Variants in PPM1L observed in about 807,000 individuals in gnomAD.
PPM1L encodes the protein protein phosphatase 1L.
Under a neutral mutation model 31.4 loss-of-function variants are expected in PPM1L, and 13 were observed. That is an observed-to-expected ratio of 0.41 (90% CI 0.27 to 0.66). The LOEUF is 0.66. Among genes scored for constraint, PPM1L ranks in the 30% least tolerant of loss-of-function variants. The pLI is 0.29. For missense variants in PPM1L, 326 were observed against 453.7 expected (o/e 0.72, Z 2.56); for synonymous variants, 184 against 175.4 (o/e 1.05, Z -0.39).
chr3:160,986,579 A>G (rs1215906971), intron 2 of PPM1L, among the ~76,000 whole-genome samples: 2 of 152,236 alleles, frequency 1.3e-5, no homozygotes, highest in Admixed American at 6.5e-5. Flanking sequence ...GATATATGCT[A>G]TAGTCTGACA....
At chr3:160,900,914 CT>C (rs1713517410) in intron 1 of PPM1L, among the ~76,000 whole-genome samples, 1 of 152,176 alleles carries the variant, frequency 6.6e-6, no homozygotes, top group Non-Finnish European at 1.5e-5. Context: ...CCTCACCTTT[CT>C]TAAGCTCTCA....
intron 1 of PPM1L, among the ~76,000 whole-genome samples, chr3:160,763,545 C>T (rs1715024284): frequency 6.6e-6 from 1 of 152,168 alleles, no homozygotes; most frequent in Non-Finnish European, 1.5e-5. Flanking sequence ...CCCTGTTGAG[C>T]CATGGCCTGG....
intron 1 of PPM1L, among the ~76,000 whole-genome samples, chr3:160,829,443 T>C (rs1406867386): frequency 6.6e-6 from 1 of 152,100 alleles, no homozygotes; most frequent in Non-Finnish European, 1.5e-5. Flanking sequence ...ACACTCCCTC[T>C]TTTCACACTC....
chr3:160,911,235 T>C (rs756189884), intron 1 of PPM1L, among the ~76,000 whole-genome samples: 47 of 152,258 alleles, frequency 3.1e-4, no homozygotes, highest in Non-Finnish European at 5.9e-4. Context: ...AAGGTGAATG[T>C]TCTTACATGT....
At chr3:160,801,657 C>T (rs555195797) in intron 1 of PPM1L, among the ~76,000 whole-genome samples, 1 of 152,174 alleles carries the variant, frequency 6.6e-6, no homozygotes, top group African/African-American at 2.4e-5. Context: ...CTTGCACTCT[C>T]TTGATTTTAC....
At position 161,069,684 on chromosome 3, in the gene PPM1L, G is replaced by C. The variant is rs1719850711; in HGVS notation, c.*527G>C. The C allele has an allele frequency of 6.5e-6, 1 of 154,454 alleles. No homozygotes were observed. 9.6% of individuals were successfully genotyped at this position (154,454 alleles called of 1,614,324 possible). A position where few individuals can be genotyped will look rare whatever the true frequency, so the allele number is the denominator to read the frequency against. ...CTGAGCCCATGTTTTCTGCTCAGTAGCAGCTTGGAAGCAGATTTGGAATGG... is the reference window on the plus strand; with the variant it reads ...CTGAGCCCATGTTTTCTGCTCAGTACCAGCTTGGAAGCAGATTTGGAATGG... On this transcript the variant is annotated 3_prime_UTR_variant, in exon 4 of 4. Transcript: ENST00000498165.
rs1446145265 is a variant in PPM1L at position 161,028,922 on chromosome 3, C to T, written c.575-36481C>T. 2.0e-5 allele frequency among the ~76,000 whole-genome samples: 3 copies of T among 152,132 alleles called. No individual in the cohort carries two copies. In the East Asian group the frequency reaches 5.8e-4, roughly 29 times the overall value. On this transcript the variant is annotated intron_variant, in intron 2 of 3. Coordinates refer to ENST00000498165, the MANE Select transcript of PPM1L (RefSeq NM_139245.4). ...TGATGAACTGTGGTCAGTATGGATT[C>T]AGGGAGGTCATCCGTACTAATAAAA...
chr3:160,923,254 G>T (rs1004084367), intron 1 of PPM1L, among the ~76,000 whole-genome samples: 1 of 152,160 alleles, frequency 6.6e-6, no homozygotes, highest in Non-Finnish European at 1.5e-5. Flanking sequence ...GAGACTTTGG[G>T]CAGCTCCTGT....
chr3:160,965,496 T>C (rs1716113186), intron 2 of PPM1L, among the ~76,000 whole-genome samples: 1 of 152,116 alleles, frequency 6.6e-6, no homozygotes, highest in Admixed American at 6.6e-5. Context: ...AAATAGACTT[T>C]GTGTTAGATG....
intron 2 of PPM1L, among the ~76,000 whole-genome samples, chr3:161,008,066 G>A (rs1717771883): frequency 1.3e-5 from 2 of 152,270 alleles, no homozygotes; most frequent in South Asian, 4.1e-4. Context: ...ATAGAAAGTA[G>A]AATTACTCTT....
chr3:160,791,329 C>G (rs1365133739), intron 1 of PPM1L, among the ~76,000 whole-genome samples: 1 of 152,088 alleles, frequency 6.6e-6, no homozygotes, highest in African/African-American at 2.4e-5. Context: ...CTCTGTTTCT[C>G]ATCTGAAAAT....
intron 2 of PPM1L, among the ~76,000 whole-genome samples, chr3:160,993,689 C>T (rs965650054): frequency 1.1e-4 from 16 of 152,012 alleles, no homozygotes; most frequent in Admixed American, 3.9e-4. Context: ...CCTGACATGC[C>T]GCTAGACATG....
chr3:160,830,619 A>G (rs1376268432), intron 1 of PPM1L, among the ~76,000 whole-genome samples: 1 of 152,130 alleles, frequency 6.6e-6, no homozygotes, highest in Non-Finnish European at 1.5e-5. Flanking sequence ...ATTTTTTGGC[A>G]AATTTTATGG....
intron 1 of PPM1L, among the ~76,000 whole-genome samples, chr3:160,797,920 C>A (rs1015496879): frequency 8.5e-5 from 13 of 152,306 alleles, no homozygotes; most frequent in African/African-American, 2.4e-4. Flanking sequence ...TGGCTCACGC[C>A]TGTAATCCCA....
chr3:160,759,779 C>A (rs1311262487), intron 1 of PPM1L, among the ~76,000 whole-genome samples: 1 of 152,158 alleles, frequency 6.6e-6, no homozygotes, highest in Non-Finnish European at 1.5e-5. Context: ...AGATTAGCAG[C>A]ATAGGTTTTG....
At chr3:160,795,773 G>A (rs1282967974) in intron 1 of PPM1L, among the ~76,000 whole-genome samples, 2 of 152,144 alleles carry the variant, frequency 1.3e-5, no homozygotes, top group African/African-American at 4.8e-5. Flanking sequence ...TTCAATCACT[G>A]CTTAATTTTA....
intron 1 of PPM1L, among the ~76,000 whole-genome samples, chr3:160,785,126 GTGTT>G (rs1346979497): frequency 6.6e-6 from 1 of 152,118 alleles, no homozygotes; most frequent in Non-Finnish European, 1.5e-5. Context: ...GATTTATACA[GTGTT>G]TGCTTACTCT....
At chr3:160,811,137 A>G (rs1027257272) in intron 1 of PPM1L, among the ~76,000 whole-genome samples, 1 of 152,258 alleles carries the variant, frequency 6.6e-6, no homozygotes, top group Non-Finnish European at 1.5e-5. Context: ...AATAGTGGAA[A>G]CAAATGAAAT....
chr3:160,778,876 C>T (rs1201992026), intron 1 of PPM1L, among the ~76,000 whole-genome samples: 1 of 152,164 alleles, frequency 6.6e-6, no homozygotes, highest in Non-Finnish European at 1.5e-5. Context: ...CTCTCTCAAA[C>T]TCATTCTAAG....
Sources: gnomAD v4.1 joint callset for allele counts (sites outside exome capture counted in the v4.1 genomes callset) on GRCh38, gnomAD v4.1.1 for gene constraint, MANE v1.5 for transcripts, NCBI Gene and HGNC (gene_info 2026-07-23, HGNC 2026-07-21) for gene names.